The following MACO1 variants were observed in gnomAD, a reference collection of about 807,000 sequenced individuals.
The protein encoded by MACO1 is macoilin 1.
Under a neutral mutation model 78.7 loss-of-function variants are expected in MACO1, and 14 were observed. The ratio of observed to expected loss-of-function variants is 0.18; its 90% CI spans 0.12 to 0.28. The LOEUF is 0.28. MACO1 is among the 10% of genes least tolerant of loss of function. The pLI is 1.00. For synonymous variants in MACO1, 288 were observed against 291.6 expected (o/e 0.99, Z 0.12); for missense variants, 501 against 799.0 (o/e 0.63, Z 4.50).
rs1301276098 is a variant in MACO1, at chr1:25,498,311, A to G, written c.1840A>G (p.Ile614Val). The G allele has an allele frequency of 1.9e-6, 3 of 1,614,188 alleles. No individual in the cohort carries two copies. The South Asian group carries it at 3.3e-5, about 18-fold the overall frequency. ...GGAAATCAAGGACCTAAAACAGAAG[A>G]TAGCCGAAGTCATGGCCGTCATGCC... ...DQEIKDLKQK[I>V]AEVMAVMPSI... The change falls in exon 11 of 11, where the codon ATA becomes GTA. Residue 614 changes from isoleucine (I) to valine (V), a missense_variant. This residue lies in a region of MACO1 where 66 missense variants were observed against 101.6 expected (regional missense o/e 0.65). Coordinates refer to ENST00000374343, the MANE Select transcript of MACO1 (RefSeq NM_018202.6).
chr1:25,448,842 C>T lies in MACO1; in HGVS notation c.257C>T (p.Thr86Met), dbSNP rs528911397. Residue 86 changes from threonine to methionine, a missense_variant, in exon 3 of 11, where the codon ACG becomes ATG. Around this residue, in one of 5 missense-constraint regions of MACO1, gnomAD observed 171 missense variants for 292.1 expected, o/e 0.59. Coordinates refer to ENST00000374343, the MANE Select transcript of MACO1 (RefSeq NM_018202.6). Reference sequence around the variant, plus strand: ...GTATTTTTTGTTTGTGTAGCATTCACGTCAAATATAATATGCCTGCTGTTC... The same window carrying T: ...GTATTTTTTGTTTGTGTAGCATTCATGTCAAATATAATATGCCTGCTGTTC... Reference protein sequence around the residue: ...FSVFFVCVAFTSNIICLLFIP... With the variant: ...FSVFFVCVAFMSNIICLLFIP... The T allele has an allele frequency of 7.7e-6, 12 of 1,559,108 alleles. No homozygotes were observed. The East Asian group carries it at 1.8e-4, about 24-fold the overall frequency.
At chr1:25,445,564 C>CT (rs1350801514) in intron 1 of MACO1, among the ~76,000 whole-genome samples, 1 of 150,938 alleles carries the variant, frequency 6.6e-6, no homozygotes, top group African/African-American at 2.4e-5. Context: ...TTTCTTTTTT[C>CT]TTTTTTTCTC....
At chr1:25,479,703 C>T (rs1412898636) in intron 6 of MACO1, among the ~76,000 whole-genome samples, 1 of 152,220 alleles carries the variant, frequency 6.6e-6, no homozygotes, top group African/African-American at 2.4e-5. Context: ...GCCACTGCAC[C>T]TGGCCACACA....
chr1:25,495,031 A>G (rs1324403191), intron 10 of MACO1, among the ~76,000 whole-genome samples: 2 of 152,164 alleles, frequency 1.3e-5, no homozygotes, highest in African/African-American at 4.8e-5. Context: ...TGTGGACTCG[A>G]GGAAAGGCAT....
intron 6 of MACO1, among the ~76,000 whole-genome samples, chr1:25,473,610 G>A (rs1457296639): frequency 2.0e-5 from 3 of 152,202 alleles, no homozygotes; most frequent in Non-Finnish European, 4.4e-5. Flanking sequence ...GAAAGGCTTT[G>A]TGTTAAATTC....
intron 4 of MACO1, 106 bp downstream of exon 4, chr1:25,454,488 A>ATATATATATT (rs1441909435): frequency 3.6e-3 from 262 of 72,282 alleles, no homozygotes; most frequent in Middle Eastern, 9.3e-3. Flanking sequence ...ATATATATAT[A>ATATATATATT]TTTTTTTTTT....
chr1:25,481,201 C>T (rs915650281), intron 6 of MACO1, among the ~76,000 whole-genome samples: 2 of 152,022 alleles, frequency 1.3e-5, no homozygotes, highest in Non-Finnish European at 2.9e-5. Flanking sequence ...ATTTTTCTTT[C>T]ATTCCCAACT....
intron 1 of MACO1, among the ~76,000 whole-genome samples, chr1:25,432,750 A>C (rs1055824101): frequency 6.6e-6 from 1 of 152,264 alleles, no homozygotes; most frequent in Non-Finnish European, 1.5e-5. Context: ...TGGTAGACTT[A>C]GCACAACTGT....
In MACO1 at chr1:25,498,287, G is replaced by A. The variant is rs2043555235; in HGVS notation, c.1816G>A (p.Glu606Lys). Residue 606 changes from glutamate (E) to lysine (K), a missense_variant, in exon 11 of 11, where the codon GAA (glutamate) becomes AAA (lysine). Glu to Lys is a moderately conservative substitution (Grantham distance 56). Around this residue, in one of 5 missense-constraint regions of MACO1, gnomAD observed 66 missense variants for 101.6 expected, o/e 0.65. Transcript: ENST00000374343. Reference sequence around the variant, plus strand: ...AGGACAAATCCTTCAGAAAGATCAGGAAATCAAGGACCTAAAACAGAAGAT... The same window carrying A: ...AGGACAAATCCTTCAGAAAGATCAGAAAATCAAGGACCTAAAACAGAAGAT... ...AQGQILQKDQEIKDLKQKIAE... is the reference protein window; with the variant it reads ...AQGQILQKDQKIKDLKQKIAE... The A allele has an allele frequency of 6.2e-7, 1 of 1,614,148 alleles. No individual in the cohort carries two copies. Among genetic ancestry groups the A allele is most frequent in the Non-Finnish European group, 8.5e-7 (1 of 1,180,032 alleles).
intron 1 of MACO1, among the ~76,000 whole-genome samples, chr1:25,432,289 T>G (rs1324469250): frequency 6.6e-6 from 1 of 152,242 alleles, no homozygotes; most frequent in Non-Finnish European, 1.5e-5. Context: ...CACATGCTCT[T>G]GTTTACAGAT....
intron 4 of MACO1, among the ~76,000 whole-genome samples, chr1:25,455,390 C>T (rs1023129607): frequency 6.6e-6 from 1 of 152,032 alleles, no homozygotes; most frequent in Non-Finnish European, 1.5e-5. Flanking sequence ...ATATTTATGG[C>T]AGAAACCAAA....
intron 8 of MACO1, among the ~76,000 whole-genome samples, chr1:25,488,269 C>G (rs758301566): frequency 2.0e-4 from 30 of 152,002 alleles, no homozygotes; most frequent in Non-Finnish European, 4.3e-4. Flanking sequence ...CCAGGCTGAT[C>G]TCAGACTCTG....
At chr1:25,447,527 AAAAC>A (rs1174735756) in intron 2 of MACO1, among the ~76,000 whole-genome samples, 2 of 152,244 alleles carry the variant, frequency 1.3e-5, no homozygotes, top group Non-Finnish European at 2.9e-5. Flanking sequence ...TATATTTTCT[AAAAC>A]AAACAGAATA....
At chr1:25,448,254 G>A (rs1340185176) in intron 2 of MACO1, among the ~76,000 whole-genome samples, 1 of 152,072 alleles carries the variant, frequency 6.6e-6, no homozygotes, top group Non-Finnish European at 1.5e-5. Flanking sequence ...CACAAGGTCA[G>A]GGGATTGAGA....
chr1:25,472,561 G>A (rs1431738649), intron 6 of MACO1, among the ~76,000 whole-genome samples: 2 of 152,178 alleles, frequency 1.3e-5, no homozygotes, highest in Admixed American at 6.5e-5. Context: ...GATCCTCCAG[G>A]TTAGAATATG....
intron 1 of MACO1, among the ~76,000 whole-genome samples, chr1:25,441,042 G>T (rs2042967476): frequency 6.6e-6 from 1 of 152,172 alleles, no homozygotes; most frequent in Non-Finnish European, 1.5e-5. Context: ...AGCTGCATTG[G>T]TTATCTTGGT....
intron 1 of MACO1, among the ~76,000 whole-genome samples, chr1:25,441,270 A>G (rs1429634110): frequency 6.6e-5 from 10 of 151,886 alleles, no homozygotes; most frequent in Non-Finnish European, 1.5e-4. Flanking sequence ...GGCTCACTGT[A>G]ACCTCCACCT....
intron 1 of MACO1, among the ~76,000 whole-genome samples, chr1:25,440,658 A>T (rs2042963632): frequency 6.6e-6 from 1 of 151,566 alleles, no homozygotes; most frequent in Non-Finnish European, 1.5e-5. Context: ...AATCCCAGCT[A>T]CTTGAGAGGC....
At chr1:25,477,073 C>T (rs759191646) in intron 6 of MACO1, among the ~76,000 whole-genome samples, 11 of 152,198 alleles carry the variant, frequency 7.2e-5, no homozygotes, top group Non-Finnish European at 1.2e-4. Flanking sequence ...AATACAGTCA[C>T]AGGAAAAGAT....
Sources: gnomAD v4.1 joint callset for allele counts (sites outside exome capture counted in the v4.1 genomes callset) on GRCh38, gnomAD v4.1.1 for gene constraint, gnomAD v4.1.1 regional missense constraint, MANE v1.5 for transcripts, NCBI Gene and HGNC (gene_info 2026-07-23, HGNC 2026-07-21) for gene names.